Variants in SEMA6D observed in about 807,000 individuals in gnomAD.
SEMA6D encodes semaphorin-6D.
SEMA6D carries 35 observed loss-of-function variants against 106.6 expected under a neutral mutation model. The observed-to-expected ratio is 0.33, with a 90% CI of 0.25 to 0.44. SEMA6D has a LOEUF of 0.44. SEMA6D is among the 20% of genes least tolerant of loss of function. SEMA6D has a pLI of 1.00. For synonymous variants in SEMA6D, 499 were observed against 487.7 expected (o/e 1.02, Z -0.31); for missense variants, 1,185 against 1,345.9 (o/e 0.88, Z 1.87).
At chr15:47,436,924 A>G (rs2041731214) in intron 2 of SEMA6D, among the ~76,000 whole-genome samples, 1 of 145,270 alleles carries the variant, frequency 6.9e-6, no homozygotes, top group Non-Finnish European at 1.5e-5. Flanking sequence ...ACAAAGCAAG[A>G]TTCTGTTTCA....
rs147082289 is a variant in SEMA6D at position 47,325,867 on chromosome 15, T to C, written c.-238-86526T>C. On this transcript the variant is annotated intron_variant, in intron 1 of 19. Transcript: ENST00000558014. ...GAGTTAAAAAATAAAATTTAAATGC[T>C]CATAAGAGATATAAATTTGTTACCT... Among the ~76,000 whole-genome samples, 64 of 152,288 alleles carry C rather than the reference T, an allele frequency of 4.2e-4. 1 individual carries two copies. Among genetic ancestry groups the C allele is most frequent in the African/African-American group, 1.5e-3 (62 of 41,558 alleles).
intron 2 of SEMA6D, among the ~76,000 whole-genome samples, chr15:47,420,248 T>G (rs1226061381): frequency 1.3e-5 from 2 of 152,082 alleles, no homozygotes; most frequent in African/African-American, 2.4e-5. Context: ...TTGCCTTCCT[T>G]CAACAGTAGA....
At position 47,252,128 on chromosome 15, in the gene SEMA6D, A is replaced by G. The variant is rs1232519197; in HGVS notation, c.-239+67710A>G. ...GAGACGGGGTTTCACCGTGTTAGCC[A>G]GGATGGTCTCGATCTCCTGACCTCG... is the stretch of plus-strand genomic sequence containing the variant. On this transcript the variant is annotated intron_variant, in intron 1 of 19. Coordinates refer to the SEMA6D transcript ENST00000558014. Among the ~76,000 whole-genome samples the G allele has an allele frequency of 2.8e-5, 4 of 145,398 alleles. 1 individual carries two copies. The highest frequency in any genetic ancestry group is 4.5e-5 in the Non-Finnish European group (3 of 66,432).
intron 4 of SEMA6D, among the ~76,000 whole-genome samples, chr15:47,612,426 C>A (rs12591493): frequency 0.36 from 54,234 of 152,056 alleles, 9,834 homozygotes; most frequent in East Asian, 0.51. Flanking sequence ...TAACACAGTA[C>A]ATTATTACAT....
chr15:47,753,037 T>C lies in SEMA6D; in HGVS notation c.-54-6708T>C, dbSNP rs528221806. ...AAAAAAATAAGCACATGGGAAAGAGTTGATGTATTTGGCAATGGGAAAGGA... is the reference window on the plus strand; with the variant it reads ...AAAAAAATAAGCACATGGGAAAGAGCTGATGTATTTGGCAATGGGAAAGGA... On this transcript the variant is annotated intron_variant, in intron 1 of 18. Transcript: ENST00000536845. Among the ~76,000 whole-genome samples, 37 of 149,256 alleles carry C rather than the reference T, an allele frequency of 2.5e-4. No homozygotes were observed. The South Asian group carries it at 7.8e-3, about 32-fold the overall frequency.
intron 1 of SEMA6D, among the ~76,000 whole-genome samples, chr15:47,335,098 G>T (rs1403576327): frequency 6.6e-6 from 1 of 151,784 alleles, no homozygotes; most frequent in Non-Finnish European, 1.5e-5. Context: ...CTTTTTTTTG[G>T]TCACCAAGAA....
At chr15:47,283,288 A>G (rs1011918377) in intron 1 of SEMA6D, among the ~76,000 whole-genome samples, 1 of 152,148 alleles carries the variant, frequency 6.6e-6, no homozygotes, top group Non-Finnish European at 1.5e-5. Flanking sequence ...ATGTGTGTGT[A>G]TATGTTTTTT....
chr15:47,215,445 A>G (rs10152480), intron 1 of SEMA6D, among the ~76,000 whole-genome samples: 4,660 of 152,196 alleles, frequency 0.031, 240 homozygotes, highest in African/African-American at 0.11. Context: ...TATGTGTTTT[A>G]AATGAGTAAC....
In SEMA6D at chr15:47,592,940, C is replaced by G. The variant is rs116964541; in HGVS notation, c.-86-7925C>G. Among the ~76,000 whole-genome samples the G allele has an allele frequency of 7.0e-3, 1,063 of 152,190 alleles. 6 individuals carry two copies. The highest frequency in any genetic ancestry group is 0.019 in the Admixed American group (284 of 15,292). On this transcript the variant is annotated intron_variant, in intron 3 of 19. Transcript: ENST00000558014. Reference sequence around the variant, plus strand: ...AACATAACCTTCGAGAACGTATTCACTAATGTAATAAACAAAGCTAGGTCT... The same window carrying G: ...AACATAACCTTCGAGAACGTATTCAGTAATGTAATAAACAAAGCTAGGTCT...
chr15:47,215,999 G>T (rs1352353753), intron 1 of SEMA6D, among the ~76,000 whole-genome samples: 1 of 152,072 alleles, frequency 6.6e-6, no homozygotes, highest in Non-Finnish European at 1.5e-5. Flanking sequence ...CAAGTATTTA[G>T]GCTAAATTTG....
chr15:47,397,264 A>AG (rs1369312460), intron 1 of SEMA6D, among the ~76,000 whole-genome samples: 3 of 152,216 alleles, frequency 2.0e-5, no homozygotes, highest in Non-Finnish European at 4.4e-5. Flanking sequence ...AGTAGAGGTC[A>AG]GGCTAGAAAT....
chr15:47,226,550 T>C (rs1311608268), intron 1 of SEMA6D, among the ~76,000 whole-genome samples: 1 of 152,056 alleles, frequency 6.6e-6, no homozygotes, highest in African/African-American at 2.4e-5. Context: ...CCTTTTAAAT[T>C]TCTAATTCTA....
chr15:47,762,692 GA>G (rs1438251752), intron 8 of SEMA6D, among the ~76,000 whole-genome samples: 1 of 152,200 alleles, frequency 6.6e-6, no homozygotes, highest in East Asian at 1.9e-4. Context: ...TCAGAGTCTA[GA>G]AATCAAGATT....
chr15:47,587,066 G>A (rs775286072), intron 3 of SEMA6D, among the ~76,000 whole-genome samples: 1 of 152,052 alleles, frequency 6.6e-6, no homozygotes, highest in Non-Finnish European at 1.5e-5. Flanking sequence ...AGCAGCAGAC[G>A]GGAAGAAGGA....
chr15:47,585,506 G>C lies in SEMA6D; in HGVS notation c.-86-15359G>C, dbSNP rs552337070. ...GAAAAGGTAATATTGCCTGGGGCTT[G>C]TTGCTACCTTAATAGAGGCAAGGAC... On this transcript the variant is annotated intron_variant, in intron 3 of 19. Transcript: ENST00000558014. Among the ~76,000 whole-genome samples, 393 of 152,270 alleles carry C rather than the reference G, an allele frequency of 2.6e-3. 2 individuals carry two copies. Among genetic ancestry groups the C allele is most frequent in the African/African-American group, 9.1e-3 (377 of 41,554 alleles).
At chr15:47,664,272 A>G (rs564616154) in intron 4 of SEMA6D, among the ~76,000 whole-genome samples, 1 of 152,312 alleles carries the variant, frequency 6.6e-6, no homozygotes, top group East Asian at 1.9e-4. Flanking sequence ...TCCAGGCACA[A>G]CAGAGGAATT....
At chr15:47,270,531 CCTT>C (rs1473176167) in intron 1 of SEMA6D, among the ~76,000 whole-genome samples, 6 of 151,972 alleles carry the variant, frequency 3.9e-5, no homozygotes, top group Non-Finnish European at 7.4e-5. Context: ...GATATCCTTG[CCTT>C]CTTCTCAATC....
chr15:47,282,742 AC>A (rs2035183933), intron 1 of SEMA6D, among the ~76,000 whole-genome samples: 1 of 152,166 alleles, frequency 6.6e-6, no homozygotes, highest in Admixed American at 6.5e-5. Context: ...TTTTCTGGCT[AC>A]TTTTAATGTA....
At chr15:47,685,279 C>T (rs201331372) in intron 4 of SEMA6D, among the ~76,000 whole-genome samples, 1 of 152,294 alleles carries the variant, frequency 6.6e-6, no homozygotes, top group East Asian at 1.9e-4. Context: ...AAAACAGTGC[C>T]TGAGGCAAAT....
Sources: allele counts gnomAD v4.1 joint callset (sites outside exome capture counted in the v4.1 genomes callset), GRCh38; gene constraint gnomAD v4.1.1; transcripts MANE v1.5; gene names NCBI Gene and HGNC (gene_info 2026-07-23, HGNC 2026-07-21).